The following PLEKHD1 variants were observed in gnomAD, a reference collection of about 807,000 sequenced individuals.
PLEKHD1 encodes pleckstrin homology domain-containing family D member 1.
PLEKHD1 carries 51 observed loss-of-function variants against 69.2 expected under a neutral mutation model. The observed-to-expected ratio is 0.74, with a 90% confidence interval of 0.59 to 0.93. The LOEUF (loss-of-function observed/expected upper bound fraction) is 0.93, where lower values mean the gene tolerates loss of function less well. Ranked by LOEUF, PLEKHD1 falls within the 40% of genes least tolerant of loss-of-function variation. The probability of loss-of-function intolerance (pLI) is 0.00; values close to 1 mark genes in which losing one functional copy is unlikely to be tolerated. For synonymous variants in PLEKHD1, 236 were observed against 244.7 expected, an observed-to-expected ratio of 0.96 and a Z score of 0.33; for missense variants, 584 against 641.0, an observed-to-expected ratio of 0.91 and a Z score of 0.96.
chr14:69,518,292 C>T (rs1356418164), intron 6 of PLEKHD1, among the ~76,000 whole-genome samples: 11 of 152,094 alleles, frequency 7.2e-5, no homozygotes, highest in African/African-American at 2.7e-4. Flanking sequence ...CCTCCCACCT[C>T]GGCCTCCCAT....
chr14:69,492,442 G>A (rs764894376), intron 1 of PLEKHD1, among the ~76,000 whole-genome samples: 11 of 152,298 alleles, frequency 7.2e-5, no homozygotes, highest in Admixed American at 1.3e-4. Context: ...ACATTACAAT[G>A]TTGCAGTCTA....
intron 1 of PLEKHD1, among the ~76,000 whole-genome samples, chr14:69,497,003 T>C (rs1312908470): frequency 6.6e-6 from 1 of 152,092 alleles, no homozygotes; most frequent in Non-Finnish European, 1.5e-5. Flanking sequence ...AGGAGACATA[T>C]TGAGTCCATA....
At chr14:69,526,911 G>A (rs1052955416) in intron 10 of PLEKHD1, 82 bp downstream of exon 10, 10 of 1,439,998 alleles carry the variant, frequency 6.9e-6, no homozygotes, top group Non-Finnish European at 8.2e-6. Flanking sequence ...CCGGGTAGCT[G>A]CATGAATTAT....
At position 69,529,871 on chromosome 14, in the gene PLEKHD1, CA is replaced by C. The variant is rs149496034; in HGVS notation, c.*1453del. On this transcript the variant is annotated 3_prime_UTR_variant, in exon 13 of 13. Coordinates refer to ENST00000322564, the MANE Select transcript of PLEKHD1 (RefSeq NM_001161498.2). ...GCTTCTGTGGAAGACCACCACCCTCCAGGGGGCTGAAGGGTGTGTCTGTCTC... is the reference window on the plus strand; with the variant it reads ...GCTTCTGTGGAAGACCACCACCCTCCGGGGGCTGAAGGGTGTGTCTGTCTC... 32 of 152,392 alleles carry C rather than the reference CA, an allele frequency of 2.1e-4. No homozygotes were observed. The highest frequency in any genetic ancestry group is 7.7e-4 in the African/African-American group (32 of 41,578). 9.4% of individuals were successfully genotyped at this position (152,392 alleles called of 1,614,324 possible).
upstream of PLEKHD1, among the ~76,000 whole-genome samples, chr14:69,482,915 GAAAA>G (rs370781844): frequency 6.8e-6 from 1 of 146,296 alleles, no homozygotes; most frequent in Non-Finnish European, 1.5e-5. Flanking sequence ...AAGAAAGAAA[GAAAA>G]AAAGAAAGAA....
chr14:69,477,531 C>G, the PLEKHD1 span, among the ~76,000 whole-genome samples: 1 of 152,206 alleles, frequency 6.6e-6, no homozygotes. Context: ...CAAGGCAAGT[C>G]CCTTCCACTT....
Position 69,527,339 on chromosome 14 carries a change from C to T in PLEKHD1, c.1201+7C>T, listed in dbSNP as rs894284100. ...GATGTGAGCCATCTGAAAAGTAAGC[C>T]CTGCCTCTAGGCCCTGGCCCCCAGC... On this transcript the variant is annotated splice_region_variant and intron_variant, in intron 11 of 12. Transcript: ENST00000322564. 1.3e-6 allele frequency: 2 copies of T among 1,551,516 alleles called. No homozygotes were observed. Among genetic ancestry groups the T allele is most frequent in the Non-Finnish European group, 1.7e-6 (2 of 1,146,982 alleles).
chr14:69,472,908 C>T, the PLEKHD1 span, among the ~76,000 whole-genome samples: 1 of 152,174 alleles, frequency 6.6e-6, no homozygotes, highest in Non-Finnish European at 1.5e-5. Context: ...CCAGTCAGAT[C>T]AGCGGCAGCA....
At chr14:69,524,458 G>C in intron 8 of PLEKHD1, 136 bp downstream of exon 8, 1 of 733,502 alleles carries the variant, frequency 1.4e-6, no homozygotes. Flanking sequence ...CTGATCTAAA[G>C]GGTCTCTTCT....
chr14:69,485,031 C>T lies in PLEKHD1; in HGVS notation c.66C>T (p.Ala22=). ...SPSLEQADSD[A]LDISTKVQLY... ...CCCTGGAGCAGGCTGACTCGGACGC[C>T]CTGGATATCAGCACCAAAGTGCAGC... Residue 22 remains alanine (A), a synonymous_variant, in exon 1 of 13, where the codon GCC becomes GCT. Coordinates refer to ENST00000322564, the MANE Select transcript of PLEKHD1 (RefSeq NM_001161498.2). The T allele has an allele frequency of 6.4e-7, 1 of 1,551,402 alleles. No homozygotes were observed. Among genetic ancestry groups the T allele is most frequent in the Non-Finnish European group, 8.7e-7 (1 of 1,146,900 alleles).
intron 1 of PLEKHD1, among the ~76,000 whole-genome samples, chr14:69,493,481 T>C (rs539846086): frequency 5.3e-5 from 8 of 152,248 alleles, no homozygotes; most frequent in Non-Finnish European, 8.8e-5. Flanking sequence ...ACTAGTGAAA[T>C]AGAAAAAACA....
At chr14:69,494,941 T>C (rs17107024) in intron 1 of PLEKHD1, among the ~76,000 whole-genome samples, 17,815 of 152,144 alleles carry the variant, frequency 0.12, 1,115 homozygotes, top group South Asian at 0.15. Flanking sequence ...CCGAACTCAT[T>C]CCTGCCTGCC....
At chr14:69,526,894 C>T (rs1384135890) in intron 10 of PLEKHD1, 65 bp downstream of exon 10, 4 of 1,461,318 alleles carry the variant, frequency 2.7e-6, no homozygotes, top group South Asian at 1.4e-5. Flanking sequence ...TCCACCCCTG[C>T]ACTTTACCGG....
intron 1 of PLEKHD1, among the ~76,000 whole-genome samples, chr14:69,488,393 C>A (rs1882699889): frequency 6.6e-6 from 1 of 152,170 alleles, no homozygotes; most frequent in South Asian, 2.1e-4. Context: ...ATCATGTCAG[C>A]TTCACGGCAC....
rs1171453923 is a variant in PLEKHD1 at position 69,522,366 on chromosome 14, G to A, written c.639G>A (p.Glu213=). ...EVVQELRMEQ[E]QIKRELELTA... ...TGCAGGAGCTGAGAATGGAGCAGGA[G>A]CAGATCAAGAGGTGGTGGTGGTGCC... The change falls in exon 7 of 13, where the codon GAG becomes GAA. Residue 213 remains glutamate, a synonymous_variant. Coordinates refer to ENST00000322564, the MANE Select transcript of PLEKHD1 (RefSeq NM_001161498.2). The A allele has an allele frequency of 6.4e-7, 1 of 1,551,560 alleles. No homozygotes were observed. The highest frequency in any genetic ancestry group is 8.7e-7 in the Non-Finnish European group (1 of 1,146,918).
At chr14:69,467,751 G>C in the PLEKHD1 span, among the ~76,000 whole-genome samples, 1 of 152,274 alleles carries the variant, frequency 6.6e-6, no homozygotes, top group East Asian at 1.9e-4. Context: ...CTGGGTGATA[G>C]AGCCAGACTC....
At chr14:69,517,590 C>T (rs545175106) in intron 6 of PLEKHD1, among the ~76,000 whole-genome samples, 1 of 152,196 alleles carries the variant, frequency 6.6e-6, no homozygotes, top group South Asian at 2.1e-4. Flanking sequence ...GGATTGCATA[C>T]AAACTGCTTG....
At chr14:69,521,433 C>G (rs143883717) in intron 6 of PLEKHD1, among the ~76,000 whole-genome samples, 1 of 152,288 alleles carries the variant, frequency 6.6e-6, no homozygotes, top group African/African-American at 2.4e-5. Context: ...TTCCATTAAA[C>G]TTGGGAACAA....
chr14:69,485,917 C>T (rs771994692), intron 1 of PLEKHD1, among the ~76,000 whole-genome samples: 9 of 152,360 alleles, frequency 5.9e-5, no homozygotes, highest in Non-Finnish European at 1.0e-4. Flanking sequence ...GGTAGCCACT[C>T]TCCACTTACA....
Sources: gnomAD v4.1 joint callset for allele counts (sites outside exome capture counted in the v4.1 genomes callset) on GRCh38, gnomAD v4.1.1 for gene constraint, MANE v1.5 for transcripts, NCBI Gene and HGNC (gene_info 2026-07-23, HGNC 2026-07-21) for gene names.